NUP210L: variants seen among roughly 807,000 people sequenced by gnomAD.
The protein encoded by NUP210L is nucleoporin 210 like, also known as nuclear pore membrane glycoprotein 210-like.
In NUP210L, 74 loss-of-function variants were observed where a neutral mutation model predicts 208.5. The ratio of observed to expected loss-of-function variants is 0.35; its 90% CI spans 0.29 to 0.43. The LOEUF (loss-of-function observed/expected upper bound fraction) is 0.43. NUP210L is among the 20% of genes least tolerant of loss of function. The probability of loss-of-function intolerance (pLI) is 1.00; values close to 1 mark genes in which losing one functional copy is unlikely to be tolerated. For synonymous variants in NUP210L, 780 were observed against 816.9 expected (o/e 0.95, Z 0.77); for missense variants, 1,843 against 2,289.4 (o/e 0.81, Z 3.98).
At chr1:154,038,097 T>C (rs1202815569) in intron 27 of NUP210L, among the ~76,000 whole-genome samples, 1 of 152,128 alleles carries the variant, frequency 6.6e-6, no homozygotes, top group Non-Finnish European at 1.5e-5. Flanking sequence ...AGTGGTATGT[T>C]TTAATTTCTT....
rs57011341 is a variant in NUP210L at position 154,036,314 on chromosome 1, A to ATGTG, written c.3697-6264_3697-6261dup. 7.7e-3 allele frequency among the ~76,000 whole-genome samples: 835 copies of ATGTG among 108,148 alleles called. 10 individuals are homozygous for ATGTG. Among genetic ancestry groups the ATGTG allele is most frequent in the Non-Finnish European group, 9.0e-3 (514 of 57,080 alleles). 70.9% of individuals were successfully genotyped at this position (108,148 alleles called of 152,430 possible). Reference sequence around the variant, plus strand: ...ATTTAATGTATAGGACAGTTGGAACATGTGTGTGTGTGTGTGTGTGTGTGT... The same window carrying ATGTG: ...ATTTAATGTATAGGACAGTTGGAACATGTGTGTGTGTGTGTGTGTGTGTGTGTGT... On this transcript the variant is annotated intron_variant, in intron 27 of 39. Transcript: ENST00000368559.
intron 34 of NUP210L, among the ~76,000 whole-genome samples, chr1:154,010,646 G>A (rs1459845271): frequency 1.3e-5 from 2 of 152,018 alleles, no homozygotes; most frequent in African/African-American, 4.8e-5. Flanking sequence ...CGAGGCAGGC[G>A]GATCACCTGA....
At chr1:154,117,950 G>A (rs541217950) in intron 11 of NUP210L, 70 bp from the exon 12 acceptor site, 1 of 1,102,748 alleles carries the variant, frequency 9.1e-7, no homozygotes, top group Non-Finnish European at 1.3e-6. Context: ...TGTAAAACTT[G>A]ACTGGTGAAA....
chr1:154,055,336 C>T lies in NUP210L; in HGVS notation c.3241-504G>A, dbSNP rs184217912. On this transcript the variant is annotated intron_variant, in intron 23 of 39. Transcript: ENST00000368559. The stretch of plus-strand genomic sequence containing the variant: ...CGAGACCTCAGCTCACTGCAACCTC[C>T]GCCTCCCAGGTTCAAGCGATTCTCC... Among the ~76,000 whole-genome samples the T allele has an allele frequency of 2.2e-3, 341 of 151,814 alleles. 5 individuals carry two copies. The highest frequency in any genetic ancestry group is 0.017 in the South Asian group (83 of 4,804).
At chr1:153,996,668 G>A (rs1031717718) in intron 37 of NUP210L, among the ~76,000 whole-genome samples, 3 of 151,802 alleles carry the variant, frequency 2.0e-5, no homozygotes, top group South Asian at 4.2e-4. Flanking sequence ...TGATCCACCC[G>A]CCTTGGCCTC....
intron 33 of NUP210L, among the ~76,000 whole-genome samples, chr1:154,013,925 T>C (rs1038369548): frequency 1.3e-5 from 2 of 151,972 alleles, no homozygotes; most frequent in African/African-American, 4.8e-5. Flanking sequence ...CCACCATGCC[T>C]GGCTGATTTT....
intron 16 of NUP210L, among the ~76,000 whole-genome samples, chr1:154,084,822 A>T (rs1655540362): frequency 6.7e-6 from 1 of 149,210 alleles, no homozygotes; most frequent in Non-Finnish European, 1.5e-5. Context: ...TGGGGGGAGG[A>T]TTTAAATTTA....
chr1:154,045,943 C>T, intron 27 of NUP210L, 126 bp downstream of exon 27: 1 of 830,392 alleles, frequency 1.2e-6, no homozygotes, highest in South Asian at 2.0e-5. Flanking sequence ...TGAGATTGCA[C>T]CACTGCACTC....
chr1:154,119,396 T>C (rs1657496449), intron 10 of NUP210L, among the ~76,000 whole-genome samples: 1 of 152,024 alleles, frequency 6.6e-6, no homozygotes, highest in Non-Finnish European at 1.5e-5. Context: ...AAAACCAGCC[T>C]GGCCAACATG....
intron 29 of NUP210L, among the ~76,000 whole-genome samples, chr1:154,026,205 C>A (rs1359855746): frequency 6.6e-6 from 1 of 152,016 alleles, no homozygotes; most frequent in African/African-American, 2.4e-5. Context: ...ATTTGCACTG[C>A]AGCCTGGGGG....
intron 27 of NUP210L, among the ~76,000 whole-genome samples, chr1:154,037,450 CTA>C (rs1158708019): frequency 6.6e-6 from 1 of 152,104 alleles, no homozygotes; most frequent in East Asian, 1.9e-4. Flanking sequence ...TCATCTCTTT[CTA>C]TAGTTTTTGT....
In NUP210L at chr1:154,152,878, A is replaced by G. The variant is rs1558013990; in HGVS notation, c.204-6T>C. On this transcript the variant is annotated splice_polypyrimidine_tract_variant and splice_region_variant and intron_variant, in intron 1 of 39. Transcript: ENST00000368559. ...CATCATGATGGGTGGAATGCCTGCC[A>G]GAACAAAATTCTTAAGAGTGTGAAA... 6 of 1,613,804 alleles carry G rather than the reference A, an allele frequency of 3.7e-6. No individual in the cohort carries two copies. Among genetic ancestry groups the G allele is most frequent in the Admixed American group, 1.7e-5 (1 of 59,998 alleles).
chr1:154,002,054 A>G (rs1014266766), intron 35 of NUP210L, 69 bp from the exon 36 acceptor site: 10 of 1,505,938 alleles, frequency 6.6e-6, no homozygotes, highest in Non-Finnish European at 8.1e-6. Flanking sequence ...GAATTAGGAT[A>G]GGAAGGGAAA....
intron 33 of NUP210L, among the ~76,000 whole-genome samples, chr1:154,014,738 T>C (rs1241405170): frequency 6.6e-6 from 1 of 152,190 alleles, no homozygotes; most frequent in Non-Finnish European, 1.5e-5. Flanking sequence ...GTGCAGTGAC[T>C]CACATCTGTA....
At chr1:154,041,570 A>T (rs1652878380) in intron 27 of NUP210L, among the ~76,000 whole-genome samples, 1 of 151,880 alleles carries the variant, frequency 6.6e-6, no homozygotes, top group Non-Finnish European at 1.5e-5. Context: ...ACCTCAAGTG[A>T]TCCACCTGCC....
chr1:154,114,165 A>G (rs1257962103), intron 12 of NUP210L, among the ~76,000 whole-genome samples: 1 of 151,608 alleles, frequency 6.6e-6, no homozygotes, highest in Non-Finnish European at 1.5e-5. Context: ...AAAATTTGCC[A>G]GGCGTAGTGG....
intron 14 of NUP210L, among the ~76,000 whole-genome samples, chr1:154,099,701 C>T (rs1656365297): frequency 6.6e-6 from 1 of 152,166 alleles, no homozygotes; most frequent in Admixed American, 6.5e-5. Flanking sequence ...GATTAGTGTA[C>T]TTTATGAACT....
chr1:154,027,657 A>T, intron 28 of NUP210L, 60 bp from the exon 29 acceptor site: 1 of 1,064,070 alleles, frequency 9.4e-7, no homozygotes. Context: ...TTTTACTTAC[A>T]TATAGACTTC....
chr1:154,003,485 C>CGT (rs1366384818), intron 35 of NUP210L, among the ~76,000 whole-genome samples: 6 of 151,984 alleles, frequency 3.9e-5, no homozygotes, highest in African/African-American at 1.5e-4. Flanking sequence ...GGATTACAGG[C>CGT]GTGAGCCACC....
Sources: gnomAD v4.1 joint callset for allele counts (sites outside exome capture counted in the v4.1 genomes callset) on GRCh38, gnomAD v4.1.1 for gene constraint, MANE v1.5 for transcripts, NCBI Gene and HGNC (gene_info 2026-07-23, HGNC 2026-07-21) for gene names.